Variants in MRPL39 observed in about 807,000 individuals in gnomAD.
The protein encoded by MRPL39 is mitochondrial ribosomal protein L39.
Under a neutral mutation model 44.5 loss-of-function variants are expected in MRPL39, and 35 were observed. The ratio of observed to expected loss-of-function variants is 0.79; its 90% confidence interval spans 0.60 to 1.04. The LOEUF is 1.04. Among genes scored for constraint, MRPL39 ranks in the 50% least tolerant of loss-of-function variants. The pLI, the probability that MRPL39 is intolerant of heterozygous loss-of-function variation, is 0.00. For missense variants in MRPL39, 433 were observed against 413.5 expected (o/e 1.05, Z -0.41); for synonymous variants, 139 against 136.1 (o/e 1.02, Z -0.15).
Position 25,599,777 on chromosome 21 carries a change from T to C in MRPL39, c.588+22A>G, listed in dbSNP as rs2031467889. 2.5e-6 allele frequency: 4 copies of C among 1,580,942 alleles called. No individual in the cohort carries two copies. In the East Asian group the frequency reaches 9.0e-5, roughly 35 times the overall value. ...AGAAAGGCAGACACTCTAAAATTAA[T>C]ACTCCAGAAGAATACACTTACTTTT... On this transcript the variant is annotated intron_variant, in intron 5 of 9. Transcript: ENST00000352957.
At chr21:25,592,724 G>A in intron 8 of MRPL39, 88 bp downstream of exon 8, 1 of 1,002,192 alleles carries the variant, frequency 1.0e-6, no homozygotes. Flanking sequence ...AAAATTAAAA[G>A]TTTATATTCT....
intron 6 of MRPL39, among the ~76,000 whole-genome samples, chr21:25,596,875 C>T (rs1319737414): frequency 6.6e-6 from 1 of 152,140 alleles, no homozygotes; most frequent in Admixed American, 6.6e-5. Context: ...AAGATTAAGA[C>T]CTGGCTGTGT....
chr21:25,604,118 G>T (rs546881066), intron 2 of MRPL39, among the ~76,000 whole-genome samples, 183 bp from the exon 3 acceptor site: 15 of 151,932 alleles, frequency 9.9e-5, no homozygotes, highest in African/African-American at 3.1e-4. Context: ...AATTAGCCAG[G>T]TGTGGGGGCA....
chr21:25,594,249 C>A (rs1028226875), intron 6 of MRPL39, among the ~76,000 whole-genome samples: 13,671 of 54,180 alleles, frequency 0.25, 1,001 homozygotes, highest in East Asian at 0.42. Context: ...TTTCTTTGTT[C>A]TTTTTTTTTT....
chr21:25,601,040 G>A lies in MRPL39; in HGVS notation c.520+328C>T, dbSNP rs557534750. On this transcript the variant is annotated intron_variant, in intron 4 of 9. Transcript: ENST00000352957. Reference sequence around the variant, plus strand: ...GGAGAATGGTGTGAACCCCAGAGGCGGAGCTTGCAGTGAGCCAAGATCACG... The same window carrying A: ...GGAGAATGGTGTGAACCCCAGAGGCAGAGCTTGCAGTGAGCCAAGATCACG... Among the ~76,000 whole-genome samples the A allele has an allele frequency of 5.3e-5, 8 of 152,194 alleles. No homozygotes were observed. The East Asian group carries it at 1.4e-3, about 26-fold the overall frequency.
At position 25,588,870 on chromosome 21, in the gene MRPL39, T is replaced by C. The variant is rs374575344; in HGVS notation, c.934A>G (p.Ile312Val). 15 of 1,612,954 alleles carry C rather than the reference T, an allele frequency of 9.3e-6. No individual in the cohort carries two copies. The highest frequency in any genetic ancestry group is 1.3e-5 in the African/African-American group (1 of 74,904). ...GATCTTTCCAATAGCTTATCCCATATTGTAAAATGTGCCTTGAAAAGAAAA... is the reference window on the plus strand; with the variant it reads ...GATCTTTCCAATAGCTTATCCCATACTGTAAAATGTGCCTTGAAAAGAAAA... Reference protein sequence around the residue: ...LPVHLRAHFTIWDKLLERSRK... With the variant: ...LPVHLRAHFTVWDKLLERSRK... The change falls in exon 9 of 10, where the codon ATA (isoleucine) becomes GTA (valine). Residue 312 changes from isoleucine to valine, a missense_variant. Coordinates refer to ENST00000352957, the MANE Select transcript of MRPL39 (RefSeq NM_017446.4).
chr21:25,594,024 C>A, intron 6 of MRPL39, 66 bp from the exon 7 acceptor site: 4 of 1,323,000 alleles, frequency 3.0e-6, no homozygotes, highest in Non-Finnish European at 4.3e-6. Context: ...TTTAAAGATA[C>A]CTCCCTTTCT....
At chr21:25,603,204 G>A (rs1211318233) in intron 3 of MRPL39, among the ~76,000 whole-genome samples, 1 of 152,110 alleles carries the variant, frequency 6.6e-6, no homozygotes, top group African/African-American at 2.4e-5. Flanking sequence ...CAGTGACCAA[G>A]TACTCTAAAG....
chr21:25,605,233 A>G (rs4817037), intron 2 of MRPL39, among the ~76,000 whole-genome samples: 106,741 of 152,150 alleles, frequency 0.7, 38,898 homozygotes, highest in Non-Finnish European at 0.82. Flanking sequence ...GGCTTCTTTA[A>G]TTTAAATATT....
At chr21:25,587,554 A>T (rs1257790486) in intron 9 of MRPL39, 7 of 643,250 alleles carry the variant, frequency 1.1e-5, no homozygotes, top group Non-Finnish European at 1.9e-5. Context: ...TTGTGTTCAA[A>T]ATTTGGGCTT....
chr21:25,588,072 G>A (rs754388212), intron 9 of MRPL39, among the ~76,000 whole-genome samples: 14 of 152,186 alleles, frequency 9.2e-5, no homozygotes, highest in South Asian at 2.1e-4. Flanking sequence ...AGCACCTTGG[G>A]AGGCTGAGGG....
chr21:25,589,334 G>GTGACATCT (rs2031100984), intron 8 of MRPL39, among the ~76,000 whole-genome samples: 1 of 152,046 alleles, frequency 6.6e-6, no homozygotes. Flanking sequence ...AAAACCAACT[G>GTGACATCT]TGACATCTTC....
intron 8 of MRPL39, among the ~76,000 whole-genome samples, chr21:25,591,871 A>G (rs1371836356): frequency 3.3e-5 from 5 of 152,256 alleles, no homozygotes; most frequent in Admixed American, 1.3e-4. Context: ...ACAATGTCAC[A>G]GCAGCTTTAT....
intron 2 of MRPL39, among the ~76,000 whole-genome samples, chr21:25,605,335 T>C (rs1273347582): frequency 6.6e-6 from 1 of 152,176 alleles, no homozygotes. Flanking sequence ...AAATCACACA[T>C]GGGGCACAGT....
intron 8 of MRPL39, among the ~76,000 whole-genome samples, chr21:25,591,964 G>A (rs905211262): frequency 6.6e-6 from 1 of 152,152 alleles, no homozygotes; most frequent in Admixed American, 6.5e-5. Context: ...TCCAGACCAA[G>A]TAATACTACT....
chr21:25,588,320 A>T (rs1376470263), intron 9 of MRPL39, among the ~76,000 whole-genome samples: 1 of 152,150 alleles, frequency 6.6e-6, no homozygotes, highest in Non-Finnish European at 1.5e-5. Context: ...TCAAAAAAAA[A>T]AAGAAAAGAA....
At chr21:25,594,593 T>C (rs1268484752) in intron 6 of MRPL39, among the ~76,000 whole-genome samples, 1 of 152,082 alleles carries the variant, frequency 6.6e-6, no homozygotes, top group African/African-American at 2.4e-5. Context: ...TTACTGCTTG[T>C]TATTTTACAT....
At chr21:25,595,403 C>G (rs2031325005) in intron 6 of MRPL39, among the ~76,000 whole-genome samples, 1 of 152,214 alleles carries the variant, frequency 6.6e-6, no homozygotes, top group African/African-American at 2.4e-5. Flanking sequence ...TTCAATGAAC[C>G]AACTCTTTTG....
intron 2 of MRPL39, among the ~76,000 whole-genome samples, chr21:25,605,797 C>G (rs2226327): frequency 0.78 from 118,936 of 152,036 alleles, 46,714 homozygotes; most frequent in Non-Finnish European, 0.82. Flanking sequence ...CCAGCTACTT[C>G]GTAGGCTGAG....
Sources: gnomAD v4.1 joint callset for allele counts (sites outside exome capture counted in the v4.1 genomes callset) on GRCh38, gnomAD v4.1.1 for gene constraint, MANE v1.5 for transcripts, NCBI Gene and HGNC (gene_info 2026-07-23, HGNC 2026-07-21) for gene names.